The following SPRED2 variants were observed in gnomAD, a reference collection of about 807,000 sequenced individuals.
The protein encoded by SPRED2 is sprouty-related, EVH1 domain-containing protein 2.
Under a neutral mutation model 43.0 loss-of-function variants are expected in SPRED2, and 47 were observed. That is an observed-to-expected ratio of 1.09 (90% confidence interval 0.87 to 1.40). The LOEUF is 1.40. Ranked by LOEUF, SPRED2 falls within the 40% of genes most tolerant of loss-of-function variation. The probability of loss-of-function intolerance (pLI) is 0.00; values close to 1 mark genes in which losing one functional copy is unlikely to be tolerated. For missense variants in SPRED2, 561 were observed against 586.4 expected, an observed-to-expected ratio of 0.96 and a Z score of 0.45; for synonymous variants, 225 against 225.7, an observed-to-expected ratio of 1.00 and a Z score of 0.03.
chr2:65,412,998 A>G (rs79313412), intron 1 of SPRED2, among the ~76,000 whole-genome samples: 4,258 of 152,196 alleles, frequency 0.028, 208 homozygotes, highest in African/African-American at 0.097. Flanking sequence ...CTTCCCCACC[A>G]AAGAATACCA....
downstream of SPRED2, among the ~76,000 whole-genome samples, chr2:65,309,505 CA>C (rs35507211): frequency 0.026 from 1,544 of 59,998 alleles, 5 homozygotes; most frequent in African/African-American, 0.05. Flanking sequence ...GACCCTGTCT[CA>C]AAAAAAAAAA....
intron 4 of SPRED2, among the ~76,000 whole-genome samples, chr2:65,322,776 T>C (rs1269740995): frequency 2.6e-5 from 4 of 152,192 alleles, no homozygotes; most frequent in African/African-American, 7.2e-5. Flanking sequence ...GATTATAAAG[T>C]TCCAAAAGTT....
intron 1 of SPRED2, among the ~76,000 whole-genome samples, chr2:65,349,905 C>T (rs1674461306): frequency 6.6e-6 from 1 of 152,234 alleles, no homozygotes; most frequent in African/African-American, 2.4e-5. Context: ...TCTCCTCCGG[C>T]AACAGCCCCG....
intron 1 of SPRED2, among the ~76,000 whole-genome samples, chr2:65,347,509 C>G (rs1674388007): frequency 6.6e-6 from 1 of 152,088 alleles, no homozygotes; most frequent in Non-Finnish European, 1.5e-5. Context: ...TTTAGTTTCA[C>G]TGAGAAAATA....
intron 1 of SPRED2, among the ~76,000 whole-genome samples, chr2:65,383,218 A>G (rs1260111973): frequency 7.9e-5 from 12 of 152,196 alleles, no homozygotes; most frequent in African/African-American, 2.9e-4. Context: ...CTGCTTAACC[A>G]TACTTGTCTA....
intron 1 of SPRED2, among the ~76,000 whole-genome samples, chr2:65,425,888 T>C (rs1572908909): frequency 1.3e-5 from 2 of 152,234 alleles, no homozygotes; most frequent in South Asian, 4.1e-4. Flanking sequence ...AATAATCACA[T>C]ACACCAAAAC....
intron 1 of SPRED2, among the ~76,000 whole-genome samples, chr2:65,421,870 T>C (rs1306705726): frequency 1.3e-5 from 2 of 152,230 alleles, no homozygotes; most frequent in Non-Finnish European, 2.9e-5. Context: ...ACTGAGGCCC[T>C]GTGAGGTTGT....
At chr2:65,394,792 C>G (rs1675716838) in intron 1 of SPRED2, among the ~76,000 whole-genome samples, 1 of 152,114 alleles carries the variant, frequency 6.6e-6, no homozygotes, top group African/African-American at 2.4e-5. Context: ...GGGTTGAATG[C>G]AAAGGACTAG....
chr2:65,327,535 A>G (rs1341275948), intron 4 of SPRED2, among the ~76,000 whole-genome samples: 1 of 152,076 alleles, frequency 6.6e-6, no homozygotes, highest in Non-Finnish European at 1.5e-5. Flanking sequence ...TGAGCTTGAG[A>G]GTTATTGTCA....
chr2:65,307,957 C>G (rs952672438), downstream of SPRED2, among the ~76,000 whole-genome samples: 7 of 152,174 alleles, frequency 4.6e-5, no homozygotes, highest in African/African-American at 1.2e-4. Context: ...CCCGCCCCCC[C>G]CATTCACACA....
chr2:65,353,706 AC>A (rs1674572092), intron 1 of SPRED2, among the ~76,000 whole-genome samples: 1 of 152,068 alleles, frequency 6.6e-6, no homozygotes, highest in South Asian at 2.1e-4. Flanking sequence ...TTTCCTTTAA[AC>A]CTCAGTTTAA....
intron 1 of SPRED2, among the ~76,000 whole-genome samples, chr2:65,357,898 T>C (rs1226355902): frequency 6.6e-6 from 1 of 152,128 alleles, no homozygotes; most frequent in Non-Finnish European, 1.5e-5. Context: ...TGAGCTTCAG[T>C]TTCCTTATGT....
At chr2:65,368,294 G>C (rs186351144) in intron 1 of SPRED2, among the ~76,000 whole-genome samples, 2 of 152,334 alleles carry the variant, frequency 1.3e-5, no homozygotes, top group East Asian at 3.9e-4. Context: ...CACTAATCCA[G>C]ACTGATTAGG....
At chr2:65,322,394 C>T (rs769190828) in intron 4 of SPRED2, among the ~76,000 whole-genome samples, 51 of 148,462 alleles carry the variant, frequency 3.4e-4, no homozygotes, top group Non-Finnish European at 6.8e-4. Context: ...CCTAGGTTCA[C>T]GCCGTTCTCC....
In SPRED2 at chr2:65,314,150, C is replaced by A. The variant is rs760088074; in HGVS notation, c.608G>T (p.Arg203Leu). The change falls in exon 6 of 6, where the codon CGC becomes CTC. Residue 203 changes from arginine (R) to leucine (L), a missense_variant. Coordinates refer to ENST00000356388, the MANE Select transcript of SPRED2 (RefSeq NM_181784.3). ...GTCGTCGTCCGGGAAGCTCACCTGG[C>A]GGTAGGGCCTTGGCATCGGCTGTCC... is the stretch of plus-strand genomic sequence containing the variant. ...HLDQPMPRPY[R>L]QVSFPDDDEE... 6.3e-7 allele frequency: 1 copy of A among 1,597,170 alleles called. No homozygotes were observed.
At chr2:65,377,613 C>T (rs963034201) in intron 1 of SPRED2, 3 of 471,092 alleles carry the variant, frequency 6.4e-6, no homozygotes, top group South Asian at 1.5e-5. Flanking sequence ...AGAAACTCAC[C>T]CCCTCCTTTC....
At chr2:65,402,609 G>C (rs970197369) in intron 1 of SPRED2, among the ~76,000 whole-genome samples, 1 of 152,218 alleles carries the variant, frequency 6.6e-6, no homozygotes, top group East Asian at 1.9e-4. Flanking sequence ...AAGGGGGTAG[G>C]ATTGAGCCCC....
Position 65,311,797 on chromosome 2 carries a change from T to C in SPRED2, c.*1704A>G, listed in dbSNP as rs1673075489. 1 of 984,360 alleles carries C rather than the reference T, an allele frequency of 1.0e-6. No homozygotes were observed. The allele number at this position is 984,360 out of a possible 1,614,324, so 61.0% of individuals were successfully genotyped here. On this transcript the variant is annotated 3_prime_UTR_variant, in exon 6 of 6. Coordinates refer to ENST00000356388, the MANE Select transcript of SPRED2 (RefSeq NM_181784.3). Reference sequence around the variant, plus strand: ...CCGGTAATCTACTAAAGAAAATCGATGAGCTTGTGGACGAGCTGGAAACAG... The same window carrying C: ...CCGGTAATCTACTAAAGAAAATCGACGAGCTTGTGGACGAGCTGGAAACAG...
In SPRED2 at chr2:65,322,288, ATATATAT is replaced by A. The variant is rs1312807862; in HGVS notation, c.439-5412_439-5406del. Among the ~76,000 whole-genome samples, 160 of 88,522 alleles carry A rather than the reference ATATATAT, an allele frequency of 1.8e-3. 12 individuals are homozygous for A. Among genetic ancestry groups the A allele is most frequent in the African/African-American group, 6.7e-3 (123 of 18,464 alleles). The allele number at this position is 88,522 out of a possible 152,430, so 58.1% of individuals were successfully genotyped here. A position where few individuals can be genotyped will look rare whatever the true frequency, so the allele number is the denominator to read the frequency against. On this transcript the variant is annotated intron_variant, in intron 4 of 5. Transcript: ENST00000356388. ...TCTCTCTCTATATATATATATATAT[ATATATAT>A]TTTTTTTTTTTTTTTTGAGACGGAG...
Sources: allele counts gnomAD v4.1 joint callset (sites outside exome capture counted in the v4.1 genomes callset), GRCh38; gene constraint gnomAD v4.1.1; transcripts MANE v1.5; gene names NCBI Gene and HGNC (gene_info 2026-07-23, HGNC 2026-07-21).